CLYBL: variants seen among roughly 807,000 people sequenced by gnomAD.
The protein encoded by CLYBL is citramalyl-CoA lyase, mitochondrial.
A neutral mutation model predicts 38.9 loss-of-function variants in CLYBL; 31 were observed. That is an observed-to-expected ratio of 0.80 (90% CI 0.60 to 1.08). The LOEUF (loss-of-function observed/expected upper bound fraction) is 1.08. Among genes scored for constraint, CLYBL ranks in the 50% least tolerant of loss-of-function variants. The pLI, the probability that CLYBL is intolerant of heterozygous loss-of-function variation, is 0.00. For missense variants in CLYBL, 434 were observed against 411.6 expected, an observed-to-expected ratio of 1.05 and a Z score of -0.47; for synonymous variants, 171 against 158.6, an observed-to-expected ratio of 1.08 and a Z score of -0.59.
intron 2 of CLYBL, among the ~76,000 whole-genome samples, chr13:99,805,652 C>A (rs1010896199): frequency 6.6e-6 from 1 of 152,078 alleles, no homozygotes; most frequent in African/African-American, 2.4e-5. Flanking sequence ...CTTTTGCATC[C>A]ATTAACTTAT....
intron 2 of CLYBL, among the ~76,000 whole-genome samples, chr13:99,816,350 A>G (rs2050448747): frequency 6.6e-6 from 1 of 152,186 alleles, no homozygotes; most frequent in Non-Finnish European, 1.5e-5. Context: ...TTGATGTGCT[A>G]TTTAGGATGT....
chr13:99,635,143 C>T (rs2047000738), intron 1 of CLYBL, among the ~76,000 whole-genome samples: 1 of 152,112 alleles, frequency 6.6e-6, no homozygotes, highest in African/African-American at 2.4e-5. Context: ...AAGCCAGCAG[C>T]CTGAGAGTCC....
At chr13:99,620,372 G>C (rs1017691585) in intron 1 of CLYBL, among the ~76,000 whole-genome samples, 1 of 152,172 alleles carries the variant, frequency 6.6e-6, no homozygotes, top group Non-Finnish European at 1.5e-5. Flanking sequence ...CATAGGGTCT[G>C]CCTGTTCTAG....
intron 1 of CLYBL, among the ~76,000 whole-genome samples, chr13:99,651,032 C>T (rs555167454): frequency 3.3e-5 from 5 of 152,182 alleles, no homozygotes; most frequent in Non-Finnish European, 5.9e-5. Flanking sequence ...CTACAGAGCC[C>T]TCCTCTCATC....
chr13:99,794,126 G>C (rs1325472776), intron 2 of CLYBL, among the ~76,000 whole-genome samples: 1 of 152,120 alleles, frequency 6.6e-6, no homozygotes, highest in African/African-American at 2.4e-5. Context: ...TGTGACTAAC[G>C]AATCAAATAT....
downstream of CLYBL, among the ~76,000 whole-genome samples, chr13:99,898,343 G>A (rs2052606118): frequency 6.6e-6 from 1 of 152,184 alleles, no homozygotes; most frequent in Non-Finnish European, 1.5e-5. Context: ...CTAGGCATCT[G>A]GCTTAATGTT....
chr13:99,612,849 A>T (rs1257208633), intron 1 of CLYBL, among the ~76,000 whole-genome samples: 1 of 140,844 alleles, frequency 7.1e-6, no homozygotes, highest in Non-Finnish European at 1.5e-5. Context: ...CTGTCACTAC[A>T]AAAAAAATTT....
Position 99,701,532 on chromosome 13 carries a change from C to T in CLYBL, c.63-71292C>T, listed in dbSNP as rs558377015. On this transcript the variant is annotated intron_variant, in intron 1 of 8. Coordinates refer to ENST00000339105, the MANE Select transcript of CLYBL (RefSeq NM_206808.5). ...TTTCACATGTTAGCCAGGATGGTCT[C>T]GATCTCCTGACCTCGTGATCTGCCT... Among the ~76,000 whole-genome samples, 15 of 152,152 alleles carry T rather than the reference C, an allele frequency of 9.9e-5. No individual in the cohort carries two copies. The South Asian group carries it at 1.0e-3, about 11-fold the overall frequency.
intron 1 of CLYBL, among the ~76,000 whole-genome samples, chr13:99,723,300 AGTGAAGT>A (rs1183037062): frequency 1.3e-5 from 2 of 152,264 alleles, no homozygotes; most frequent in Non-Finnish European, 2.9e-5. Context: ...GCTCAACGTT[AGTGAAGT>A]GTGGACAGGT....
At chr13:99,818,183 C>T (rs2050498694) in intron 2 of CLYBL, among the ~76,000 whole-genome samples, 1 of 152,112 alleles carries the variant, frequency 6.6e-6, no homozygotes, top group Non-Finnish European at 1.5e-5. Flanking sequence ...TACCAGAACC[C>T]ATTTCCTCTT....
At chr13:99,655,877 C>A (rs1275566073) in intron 1 of CLYBL, among the ~76,000 whole-genome samples, 1 of 152,164 alleles carries the variant, frequency 6.6e-6, no homozygotes, top group South Asian at 2.1e-4. Context: ...TTAATTATTT[C>A]CCCCCAGAAA....
At position 99,834,566 on chromosome 13, in the gene CLYBL, G is replaced by GTGA. The variant is rs537753313; in HGVS notation, c.250-24292_250-24290dup. 4.7e-3 allele frequency among the ~76,000 whole-genome samples: 716 copies of GTGA among 152,304 alleles called. 7 individuals are homozygous for GTGA. Among genetic ancestry groups the GTGA allele is most frequent in the African/African-American group, 0.016 (683 of 41,552 alleles). On this transcript the variant is annotated intron_variant, in intron 2 of 8. Transcript: ENST00000339105. ...CAGCCCACATCTCCGCAGAGCCAGG[G>GTGA]TGATGCACCCAGTGGCTATCCTGGC...
Position 99,751,231 on chromosome 13 carries a change from T to C in CLYBL, c.63-21593T>C, listed in dbSNP as rs1174689326. Among the ~76,000 whole-genome samples the C allele has an allele frequency of 3.9e-5, 6 of 152,082 alleles. No homozygotes were observed. The East Asian group carries it at 1.2e-3, about 29-fold the overall frequency. On this transcript the variant is annotated intron_variant, in intron 1 of 8. Coordinates refer to ENST00000339105, the MANE Select transcript of CLYBL (RefSeq NM_206808.5). ...GTTGAAGCTTGAAGTTTTTTTGTTTTTTTTTTTTAGATGGAGTCTCACTCT... is the reference window on the plus strand; with the variant it reads ...GTTGAAGCTTGAAGTTTTTTTGTTTCTTTTTTTTAGATGGAGTCTCACTCT...
intron 2 of CLYBL, among the ~76,000 whole-genome samples, chr13:99,789,924 T>C (rs2049880538): frequency 6.6e-6 from 1 of 152,250 alleles, no homozygotes; most frequent in Non-Finnish European, 1.5e-5. Context: ...AGTCTTCTTA[T>C]TAAATTGATC....
intron 2 of CLYBL, among the ~76,000 whole-genome samples, chr13:99,839,585 G>A (rs1323154881): frequency 1.5e-5 from 2 of 136,132 alleles, no homozygotes; most frequent in African/African-American, 5.0e-5. Flanking sequence ...ATAATGCTTC[G>A]TGTGTGTGTG....
rs138419412 is a variant in CLYBL at position 99,815,712 on chromosome 13, A to C, written c.249+42702A>C. Among the ~76,000 whole-genome samples, 228 of 152,250 alleles carry C rather than the reference A, an allele frequency of 1.5e-3. 2 individuals are homozygous for C. The East Asian group carries it at 0.043, about 28-fold the overall frequency. The stretch of plus-strand genomic sequence containing the variant: ...ACAAACATGGTGAAACCTCGTCTCT[A>C]CTAAAAATACAAAAATTAGCCATGC... On this transcript the variant is annotated intron_variant, in intron 2 of 8. Coordinates refer to ENST00000339105, the MANE Select transcript of CLYBL (RefSeq NM_206808.5).
intron 1 of CLYBL, among the ~76,000 whole-genome samples, chr13:99,652,493 C>G (rs185703302): frequency 3.3e-5 from 5 of 151,990 alleles, no homozygotes; most frequent in African/African-American, 1.2e-4. Flanking sequence ...GGATCACTTG[C>G]ACTCAGGAGT....
intron 1 of CLYBL, among the ~76,000 whole-genome samples, chr13:99,744,130 G>T (rs539695010): frequency 3.0e-4 from 46 of 151,900 alleles, no homozygotes; most frequent in Middle Eastern, 3.4e-3. Context: ...CCGCCACCAC[G>T]CCCGGTTAAT....
At chr13:99,738,459 AAGG>A (rs2048700756) in intron 1 of CLYBL, among the ~76,000 whole-genome samples, 1 of 152,188 alleles carries the variant, frequency 6.6e-6, no homozygotes. Flanking sequence ...GCCACTGAGA[AAGG>A]AGACATTTCC....
Sources: allele counts gnomAD v4.1 joint callset (sites outside exome capture counted in the v4.1 genomes callset), GRCh38; gene constraint gnomAD v4.1.1; transcripts MANE v1.5; gene names NCBI Gene and HGNC (gene_info 2026-07-23, HGNC 2026-07-21).